Variants in SIK3 observed in about 807,000 individuals in gnomAD.
SIK3 encodes the protein SIK family kinase 3.
A neutral mutation model predicts 144.2 loss-of-function variants in SIK3; 28 were observed. The observed-to-expected ratio is 0.19, with a 90% confidence interval of 0.14 to 0.27. The LOEUF is 0.27. Among genes scored for constraint, SIK3 ranks in the 10% least tolerant of loss-of-function variants. The pLI, the probability that SIK3 is intolerant of heterozygous loss-of-function variation, is 1.00. For missense variants in SIK3, 1,319 were observed against 1,776.0 expected (o/e 0.74, Z 4.62); for synonymous variants, 686 against 676.3 (o/e 1.01, Z -0.22).
intron 1 of SIK3, among the ~76,000 whole-genome samples, chr11:116,987,321 T>TAAAAAAAAA (rs35342917): frequency 7.3e-6 from 1 of 137,272 alleles, no homozygotes. Context: ...CATAAAAGAT[T>TAAAAAAAAA]AAAAAAAAAA....
intron 1 of SIK3, among the ~76,000 whole-genome samples, chr11:116,972,956 G>C (rs948375668): frequency 2.6e-5 from 4 of 152,312 alleles, no homozygotes; most frequent in African/African-American, 9.6e-5. Context: ...TCAAAGAACT[G>C]CGGGCAGTCT....
At position 116,906,516 on chromosome 11, in the gene SIK3, T is replaced by C. The variant is rs151050460; in HGVS notation, c.617-9199A>G. ...CGAAAACACCCAGAGGTACTTCCTA[T>C]TCCCTAGGTGCGAGAACAGAAAGAG... On this transcript the variant is annotated intron_variant, in intron 4 of 24. Transcript: ENST00000445177. 2.1e-3 allele frequency among the ~76,000 whole-genome samples: 315 copies of C among 152,204 alleles called. 3 individuals carry two copies. Among genetic ancestry groups the C allele is most frequent in the African/African-American group, 7.1e-3 (293 of 41,528 alleles).
intron 6 of SIK3, among the ~76,000 whole-genome samples, chr11:116,877,612 T>A (rs1337420246): frequency 6.6e-6 from 1 of 152,216 alleles, no homozygotes; most frequent in African/African-American, 2.4e-5. Context: ...CTTCTCAATG[T>A]TATTTAAATA....
intron 3 of SIK3, among the ~76,000 whole-genome samples, chr11:116,941,493 A>G (rs1379819747): frequency 6.6e-6 from 1 of 152,068 alleles, no homozygotes; most frequent in Non-Finnish European, 1.5e-5. Flanking sequence ...AGGCAGTCAC[A>G]AGATAAAATA....
intron 1 of SIK3, among the ~76,000 whole-genome samples, chr11:116,984,760 T>C (rs1292025587): frequency 6.6e-6 from 1 of 152,158 alleles, no homozygotes; most frequent in African/African-American, 2.4e-5. Context: ...CTTCTCTCCA[T>C]ACCAACAAAA....
intron 1 of SIK3, among the ~76,000 whole-genome samples, chr11:116,965,749 ATATAT>A: frequency 1.6e-4 from 1 of 6,218 alleles, no homozygotes; most frequent in Non-Finnish European, 7.3e-4. Flanking sequence ...ATATATATAT[ATATAT>A]ATATATATAT....
At chr11:116,854,224 T>C (rs1167325766) in intron 21 of SIK3, among the ~76,000 whole-genome samples, 1 of 151,840 alleles carries the variant, frequency 6.6e-6, no homozygotes, top group Non-Finnish European at 1.5e-5. Context: ...TAGCTGGGTG[T>C]AGTGGCACGC....
At chr11:117,053,256 G>A (rs772036187) in intron 1 of SIK3, among the ~76,000 whole-genome samples, 2 of 151,390 alleles carry the variant, frequency 1.3e-5, no homozygotes, top group South Asian at 2.1e-4. Context: ...AGAATTGCTT[G>A]AACCCAGGAG....
chr11:117,056,425 A>C (rs1178334629), intron 1 of SIK3, among the ~76,000 whole-genome samples: 1 of 152,182 alleles, frequency 6.6e-6, no homozygotes, highest in African/African-American at 2.4e-5. Context: ...ACCTTATGTA[A>C]ATGATGAGTT....
At chr11:117,047,078 C>T (rs1591604632) in intron 1 of SIK3, among the ~76,000 whole-genome samples, 1 of 152,134 alleles carries the variant, frequency 6.6e-6, no homozygotes, top group Admixed American at 6.5e-5. Flanking sequence ...TTTAATATAA[C>T]TTTTATCATA....
intron 1 of SIK3, chr11:117,036,111 G>T: frequency 1.7e-6 from 1 of 593,890 alleles, no homozygotes; most frequent in South Asian, 2.6e-5. Flanking sequence ...TTATAGTCAA[G>T]GTCTCACTTT....
chr11:117,052,234 T>C (rs1953283647), intron 1 of SIK3, among the ~76,000 whole-genome samples: 1 of 152,142 alleles, frequency 6.6e-6, no homozygotes, highest in Non-Finnish European at 1.5e-5. Context: ...ACTTGGAACT[T>C]TCCTTGTATA....
chr11:116,989,219 G>A (rs890065726), intron 1 of SIK3, among the ~76,000 whole-genome samples: 2 of 151,826 alleles, frequency 1.3e-5, no homozygotes, highest in Non-Finnish European at 2.9e-5. Context: ...CCGCATGTTC[G>A]AATGTCTCTC....
At chr11:116,890,303 A>G (rs746817704) in intron 6 of SIK3, among the ~76,000 whole-genome samples, 4 of 152,218 alleles carry the variant, frequency 2.6e-5, no homozygotes, top group African/African-American at 7.2e-5. Context: ...AGTCTGAGAA[A>G]CAGCAAGGAA....
intron 4 of SIK3, among the ~76,000 whole-genome samples, chr11:116,918,390 C>A (rs566659989): frequency 5.3e-4 from 81 of 151,802 alleles, no homozygotes; most frequent in African/African-American, 1.9e-3. Context: ...TTTTTTTCCA[C>A]CCCCACCCCC....
At chr11:116,906,421 A>G (rs1188928386) in intron 4 of SIK3, among the ~76,000 whole-genome samples, 1 of 152,222 alleles carries the variant, frequency 6.6e-6, no homozygotes, top group African/African-American at 2.4e-5. Context: ...AAACTGAATT[A>G]TAGTAGTAAA....
intron 4 of SIK3, among the ~76,000 whole-genome samples, chr11:116,922,109 TATA>T (rs1238895239): frequency 6.6e-6 from 1 of 152,202 alleles, no homozygotes; most frequent in Non-Finnish European, 1.5e-5. Flanking sequence ...AATTATAACT[TATA>T]ATATCTATAA....
chr11:116,878,868 C>T lies in SIK3; in HGVS notation c.866-1826G>A, dbSNP rs184518328. Among the ~76,000 whole-genome samples, 4 of 152,326 alleles carry T rather than the reference C, an allele frequency of 2.6e-5. No individual in the cohort carries two copies. In the East Asian group the frequency reaches 7.7e-4, roughly 29 times the overall value. ...GTCATTCAGGTAAGAGTTTAAACGT[C>T]ACTTCCTCAGAAAGCTCTTCTTTAA... is the stretch of plus-strand genomic sequence containing the variant. On this transcript the variant is annotated intron_variant, in intron 6 of 24. Transcript: ENST00000445177.
Position 116,873,834 on chromosome 11 carries a change from C to T in SIK3, c.1581+69G>A, listed in dbSNP as rs1232037398. ...AAACCCTTAAGTCCTAGGGAAGGTG[C>T]CTCATAGCCTCTCAAAGGAAGCTCA... On this transcript the variant is annotated intron_variant, in intron 12 of 24. Coordinates refer to ENST00000445177, the MANE Select transcript of SIK3 (RefSeq NM_001366686.3). 3.9e-6 allele frequency: 6 copies of T among 1,541,078 alleles called. No homozygotes were observed. In the African/African-American group the frequency reaches 7.0e-5, roughly 18 times the overall value.
Sources: gnomAD v4.1 joint callset for allele counts (sites outside exome capture counted in the v4.1 genomes callset) on GRCh38, gnomAD v4.1.1 for gene constraint, MANE v1.5 for transcripts, NCBI Gene and HGNC (gene_info 2026-07-23, HGNC 2026-07-21) for gene names.